Variants in PTPN18 observed in about 807,000 individuals in gnomAD.
The protein encoded by PTPN18 is protein tyrosine phosphatase non-receptor type 18.
A neutral mutation model predicts 65.4 loss-of-function variants in PTPN18; 65 were observed. The ratio of observed to expected loss-of-function variants is 0.99; its 90% CI spans 0.81 to 1.22. The LOEUF (loss-of-function observed/expected upper bound fraction) is 1.22, where lower values mean the gene tolerates loss of function less well. PTPN18 is among the 50% of genes most tolerant of loss of function. The probability of loss-of-function intolerance (pLI) is 0.00; values close to 1 mark genes in which losing one functional copy is unlikely to be tolerated. For synonymous variants in PTPN18, 255 were observed against 267.8 expected, an observed-to-expected ratio of 0.95 and a Z score of 0.47; for missense variants, 616 against 646.5, an observed-to-expected ratio of 0.95 and a Z score of 0.51.
In PTPN18 at chr2:130,372,400, C is replaced by T. The variant is rs560699978; in HGVS notation, c.1157C>T (p.Ala386Val). 11 of 1,363,766 alleles carry T rather than the reference C, an allele frequency of 8.1e-6. No homozygotes were observed. In the South Asian group the frequency reaches 1.0e-4, roughly 13 times the overall value. 84.5% of individuals were successfully genotyped at this position (1,363,766 alleles called of 1,614,324 possible). ...TGTGARSAEEAPLYSKVTPRA... is the reference protein window; with the variant it reads ...TGTGARSAEEVPLYSKVTPRA... Reference sequence around the variant, plus strand: ...ACGGGGGCGCGCAGCGCGGAGGAGGCGCCGCTCTACAGCAAGGTGACGCCG... The same window carrying T: ...ACGGGGGCGCGCAGCGCGGAGGAGGTGCCGCTCTACAGCAAGGTGACGCCG... Residue 386 changes from alanine to valine, a missense_variant, in exon 13 of 15, where the codon GCG (alanine) becomes GTG (valine). Physicochemically the swap from Ala to Val is moderately conservative, Grantham distance 64. Coordinates refer to ENST00000175756, the MANE Select transcript of PTPN18 (RefSeq NM_014369.4).
intron 5 of PTPN18, chr2:130,362,024 G>A (rs1455822200): frequency 4.9e-6 from 2 of 408,568 alleles, no homozygotes; most frequent in East Asian, 1.7e-4. Context: ...GGGGAATGGA[G>A]TGGTGCAATC....
At chr2:130,368,580 G>T (rs1680458686) in intron 5 of PTPN18, among the ~76,000 whole-genome samples, 1 of 152,142 alleles carries the variant, frequency 6.6e-6, no homozygotes, top group Non-Finnish European at 1.5e-5. Flanking sequence ...CTGGCCTCAT[G>T]GGGTTTCATG....
intron 13 of PTPN18, 137 bp from the exon 14 acceptor site, chr2:130,372,736 C>A: frequency 2.7e-6 from 3 of 1,105,716 alleles, no homozygotes; most frequent in South Asian, 2.8e-5. Context: ...AGGCCACGTC[C>A]GGGGTGTGTG....
In PTPN18 at chr2:130,370,798, C is replaced by G; in HGVS notation, c.834+16C>G. On this transcript the variant is annotated intron_variant, in intron 10 of 14. Coordinates refer to ENST00000175756, the MANE Select transcript of PTPN18 (RefSeq NM_014369.4). The stretch of plus-strand genomic sequence containing the variant: ...GCAGACAGAGGTGAACCCTGGGTCT[C>G]CTAATCTTCAGGGACAGTGGCCCAC... The G allele has an allele frequency of 6.2e-7, 1 of 1,613,524 alleles. No homozygotes were observed. Among genetic ancestry groups the G allele is most frequent in the Non-Finnish European group, 8.5e-7 (1 of 1,179,452 alleles).
chr2:130,369,006 T>C (rs1025730580), intron 5 of PTPN18, 127 bp from the exon 6 acceptor site: 12 of 731,394 alleles, frequency 1.6e-5, no homozygotes, highest in African/African-American at 8.9e-5. Context: ...GCGTCTGTTA[T>C]AGGTTATAAG....
Position 130,356,133 on chromosome 2 carries a change from G to T in PTPN18, c.26G>T (p.Arg9Leu). The change falls in exon 1 of 15, where the codon CGG becomes CTG. Residue 9 changes from arginine (R) to leucine (L), a missense_variant. By Grantham distance (102) the Arg-to-Leu change is moderately radical. Transcript: ENST00000175756. Reference protein sequence around the residue: MSRSLDSARSFLERLEARG... With the variant: MSRSLDSALSFLERLEARG... ...ATGAGCCGCAGCCTGGACTCGGCGC[G>T]GAGCTTCCTGGAGCGGCTGGAAGCG... 1 of 1,307,748 alleles carries T rather than the reference G, an allele frequency of 7.6e-7. No individual in the cohort carries two copies. Among genetic ancestry groups the T allele is most frequent in the Non-Finnish European group, 9.7e-7 (1 of 1,031,636 alleles). 81.0% of individuals were successfully genotyped at this position (1,307,748 alleles called of 1,614,324 possible).
At chr2:130,361,540 T>TTCTTTC (rs1680204118) in intron 5 of PTPN18, among the ~76,000 whole-genome samples, 1 of 139,368 alleles carries the variant, frequency 7.2e-6, no homozygotes, top group African/African-American at 3.2e-5. Context: ...CTTTCTTTCT[T>TTCTTTC]TCTTTCTTTC....
intron 2 of PTPN18, 41 bp from the exon 3 acceptor site, chr2:130,359,192 T>G (rs909032206): frequency 1.2e-6 from 2 of 1,610,404 alleles, no homozygotes; most frequent in Admixed American, 1.7e-5. Context: ...CGTCACCCTA[T>G]CCTACCCAAA....
chr2:130,372,793 G>A (rs1680618288), intron 13 of PTPN18, 80 bp from the exon 14 acceptor site: 2 of 1,533,294 alleles, frequency 1.3e-6, no homozygotes, highest in African/African-American at 1.4e-5. Flanking sequence ...GGCCTCCGGG[G>A]AAGCGTCCCC....
chr2:130,371,320 C>G, intron 12 of PTPN18, 33 bp downstream of exon 12: 1 of 1,511,364 alleles, frequency 6.6e-7, no homozygotes, highest in Non-Finnish European at 9.1e-7. Flanking sequence ...TCTTCCCTGC[C>G]CAATTTCTCA....
intron 1 of PTPN18, 140 bp from the exon 2 acceptor site, chr2:130,358,727 C>G: frequency 1.5e-6 from 1 of 662,282 alleles, no homozygotes; most frequent in Non-Finnish European, 2.7e-6. Context: ...ATTAGGCAGG[C>G]CCAGTGCCAT....
At chr2:130,363,118 C>T (rs1680274027) in intron 5 of PTPN18, among the ~76,000 whole-genome samples, 1 of 150,884 alleles carries the variant, frequency 6.6e-6, no homozygotes, top group African/African-American at 2.4e-5. Context: ...CGTGCCCGGC[C>T]TACCACAATA....
intron 5 of PTPN18, among the ~76,000 whole-genome samples, chr2:130,361,204 A>G (rs919922909): frequency 7.2e-5 from 11 of 152,162 alleles, no homozygotes; most frequent in African/African-American, 2.4e-5. Flanking sequence ...GAAATTACCA[A>G]CTGTTCAATA....
intron 7 of PTPN18, 87 bp downstream of exon 7, chr2:130,369,914 C>T: frequency 1.3e-6 from 2 of 1,537,938 alleles, no homozygotes; most frequent in South Asian, 2.3e-5. Flanking sequence ...ATACTAGTAC[C>T]CACTTCCTCA....
rs187888045 is a variant in PTPN18 at position 130,364,269 on chromosome 2, A to G, written c.414+4623A>G. Reference sequence around the variant, plus strand: ...AACCTCTATTCTCCTTTCTGTCCCTATGAATTTGCCTATTCTAGGTACCTC... The same window carrying G: ...AACCTCTATTCTCCTTTCTGTCCCTGTGAATTTGCCTATTCTAGGTACCTC... On this transcript the variant is annotated intron_variant, in intron 5 of 14. Coordinates refer to ENST00000175756, the MANE Select transcript of PTPN18 (RefSeq NM_014369.4). Among the ~76,000 whole-genome samples the G allele has an allele frequency of 1.2e-4, 19 of 152,204 alleles. No individual in the cohort carries two copies. The East Asian group carries it at 2.5e-3, about 20-fold the overall frequency.
At chr2:130,372,788 C>T in intron 13 of PTPN18, 85 bp from the exon 14 acceptor site, 6 of 1,514,822 alleles carry the variant, frequency 4.0e-6, no homozygotes, top group Non-Finnish European at 5.4e-6. Flanking sequence ...CTTCGGGCCT[C>T]CGGGGAAGCG....
chr2:130,369,236 G>C, intron 6 of PTPN18, 35 bp downstream of exon 6: 1 of 1,583,368 alleles, frequency 6.3e-7, no homozygotes, highest in Non-Finnish European at 8.7e-7. Context: ...AGATTCCCAG[G>C]GTGGAAAGGC....
intron 13 of PTPN18, 64 bp from the exon 14 acceptor site, chr2:130,372,809 G>A: frequency 6.3e-7 from 1 of 1,576,410 alleles, no homozygotes. Flanking sequence ...TCCCCGCTAG[G>A]GGTGGGGTCT....
At position 130,356,153 on chromosome 2, in the gene PTPN18, G is replaced by A; in HGVS notation, c.46G>A (p.Glu16Lys). ...DSARSFLERLEARGGREGAVL... is the reference protein window; with the variant it reads ...DSARSFLERLKARGGREGAVL... ...GGCGCGGAGCTTCCTGGAGCGGCTG[G>A]AAGCGCGGGGCGGCCGGGAGGGGGC... is the stretch of plus-strand genomic sequence containing the variant. The change falls in exon 1 of 15, where the codon GAA becomes AAA. Residue 16 changes from glutamate to lysine, a missense_variant. By Grantham distance (56) the Glu-to-Lys change is moderately conservative. Transcript: ENST00000175756. 1 of 1,314,016 alleles carries A rather than the reference G, an allele frequency of 7.6e-7. No individual in the cohort carries two copies. The highest frequency in any genetic ancestry group is 9.7e-7 in the Non-Finnish European group (1 of 1,035,946). 81.4% of individuals were successfully genotyped at this position (1,314,016 alleles called of 1,614,324 possible). A position where few individuals can be genotyped will look rare whatever the true frequency, so the allele number is the denominator to read the frequency against.
Sources: gnomAD v4.1 joint callset for allele counts (sites outside exome capture counted in the v4.1 genomes callset) on GRCh38, gnomAD v4.1.1 for gene constraint, MANE v1.5 for transcripts, NCBI Gene and HGNC (gene_info 2026-07-23, HGNC 2026-07-21) for gene names.